LRP1B: variants seen among roughly 807,000 people sequenced by gnomAD.
LRP1B encodes the protein LDL receptor related protein 1B.
LRP1B carries 217 observed loss-of-function variants against 556.6 expected under a neutral mutation model. That is an observed-to-expected ratio of 0.39 (90% confidence interval 0.35 to 0.44). The LOEUF (loss-of-function observed/expected upper bound fraction) is 0.44. Ranked by LOEUF, LRP1B falls within the 20% of genes least tolerant of loss-of-function variation. LRP1B has a pLI of 1.00. For synonymous variants in LRP1B, 2,047 were observed against 1,865.8 expected (o/e 1.10, Z -2.50); for missense variants, 5,053 against 5,620.8 (o/e 0.90, Z 3.23).
chr2:140,753,051 T>A (rs1365736939), intron 35 of LRP1B, among the ~76,000 whole-genome samples: 1 of 152,098 alleles, frequency 6.6e-6, no homozygotes, highest in Non-Finnish European at 1.5e-5. Context: ...CCTTCCCCCA[T>A]CCCCTGGCAA....
chr2:140,647,704 G>T (rs1396991534), intron 41 of LRP1B, among the ~76,000 whole-genome samples: 1 of 152,122 alleles, frequency 6.6e-6, no homozygotes, highest in Non-Finnish European at 1.5e-5. Context: ...ATCATCACAG[G>T]CCATCAGAGA....
intron 22 of LRP1B, 137 bp from the exon 23 acceptor site, chr2:140,903,302 A>T: frequency 2.0e-6 from 2 of 977,162 alleles, no homozygotes; most frequent in Non-Finnish European, 2.9e-6. Context: ...TCTTTGGCTT[A>T]TTTTTGCTTC....
At chr2:141,092,118 G>A (rs1700184909) in intron 7 of LRP1B, among the ~76,000 whole-genome samples, 1 of 152,166 alleles carries the variant, frequency 6.6e-6, no homozygotes, top group African/African-American at 2.4e-5. Context: ...ATCAGCTTAT[G>A]ACAAAATTTG....
At chr2:140,843,450 G>C (rs1030361428) in intron 29 of LRP1B, among the ~76,000 whole-genome samples, 5 of 151,990 alleles carry the variant, frequency 3.3e-5, no homozygotes, top group Admixed American at 2.6e-4. Flanking sequence ...CCCAGAATGT[G>C]ATGTCTAAAT....
chr2:141,765,395 T>TC (rs1490419762), intron 2 of LRP1B, among the ~76,000 whole-genome samples: 2 of 152,226 alleles, frequency 1.3e-5, no homozygotes, highest in Non-Finnish European at 2.9e-5. Context: ...AGTTTTTTTT[T>TC]CACTTATAGG....
At chr2:141,683,209 G>A (rs866983764) in intron 2 of LRP1B, among the ~76,000 whole-genome samples, 1 of 152,084 alleles carries the variant, frequency 6.6e-6, no homozygotes, top group Non-Finnish European at 1.5e-5. Flanking sequence ...TTAGAATTTG[G>A]TAATGGGAAA....
chr2:141,428,069 C>A (rs1559065471), intron 3 of LRP1B, among the ~76,000 whole-genome samples: 2 of 152,124 alleles, frequency 1.3e-5, no homozygotes. Context: ...TTGCATCTTC[C>A]TTTTTTAATG....
At chr2:141,896,561 T>C (rs994761971) in intron 1 of LRP1B, among the ~76,000 whole-genome samples, 8 of 152,164 alleles carry the variant, frequency 5.3e-5, no homozygotes, top group African/African-American at 1.9e-4. Flanking sequence ...GAAATTCTTT[T>C]CCTTCATTTG....
At position 140,581,249 on chromosome 2, in the gene LRP1B, C is replaced by T. The variant is rs140554510; in HGVS notation, c.7194+17382G>A. On this transcript the variant is annotated intron_variant, in intron 43 of 90. Transcript: ENST00000389484. ...CGAAGGTAACATTATTCAAAGTTTT[C>T]GCCTTTGATTTACTATTTCTGTTCA... 2.5e-3 allele frequency among the ~76,000 whole-genome samples: 383 copies of T among 152,290 alleles called. 1 individual carries two copies. Among genetic ancestry groups the T allele is most frequent in the African/African-American group, 8.8e-3 (367 of 41,562 alleles).
At chr2:140,576,524 A>G (rs1045145236) in intron 43 of LRP1B, among the ~76,000 whole-genome samples, 7 of 152,174 alleles carry the variant, frequency 4.6e-5, no homozygotes, top group African/African-American at 1.7e-4. Context: ...AGACCATCGG[A>G]ATCCAATTAT....
chr2:141,116,460 T>A (rs552629966), intron 7 of LRP1B, among the ~76,000 whole-genome samples: 3 of 152,284 alleles, frequency 2.0e-5, no homozygotes, highest in African/African-American at 7.2e-5. Context: ...ATTCCCCTTC[T>A]AATAGCCATA....
At chr2:140,943,172 TAAAAAAGGGC>T (rs1482376052) in intron 20 of LRP1B, among the ~76,000 whole-genome samples, 2 of 151,804 alleles carry the variant, frequency 1.3e-5, no homozygotes, top group Non-Finnish European at 2.9e-5. Flanking sequence ...CCAGCAACAG[TAAAAAAGGGC>T]AAAGAAGGGC....
chr2:140,817,030 T>C (rs1477870949), intron 31 of LRP1B, among the ~76,000 whole-genome samples: 1 of 152,156 alleles, frequency 6.6e-6, no homozygotes, highest in Non-Finnish European at 1.5e-5. Context: ...TTAAAACTAC[T>C]CAGTGATGTC....
chr2:140,826,416 C>A lies in LRP1B; in HGVS notation c.5210-12610G>T, dbSNP rs1382423588. Among the ~76,000 whole-genome samples, 4 of 152,106 alleles carry A rather than the reference C, an allele frequency of 2.6e-5. No individual in the cohort carries two copies. The East Asian group carries it at 7.7e-4, about 29-fold the overall frequency. On this transcript the variant is annotated intron_variant, in intron 31 of 90. Coordinates refer to ENST00000389484, the MANE Select transcript of LRP1B (RefSeq NM_018557.3). ...GTTTAAATTGCCCCAGTTGAAGAGA[C>A]TGACACCATCAAAATTGCAGAAGAG...
chr2:141,891,719 T>C (rs964080961), intron 1 of LRP1B, among the ~76,000 whole-genome samples: 3 of 152,156 alleles, frequency 2.0e-5, no homozygotes, highest in East Asian at 1.9e-4. Context: ...CTAAGCAATT[T>C]ATATTTTGCA....
intron 3 of LRP1B, among the ~76,000 whole-genome samples, chr2:141,355,928 T>G (rs902364608): frequency 2.0e-5 from 3 of 152,152 alleles, no homozygotes; most frequent in African/African-American, 4.8e-5. Context: ...TGTTCATATT[T>G]TGAACACTTT....
chr2:140,375,622 G>A (rs564687904), intron 68 of LRP1B, among the ~76,000 whole-genome samples: 4 of 152,034 alleles, frequency 2.6e-5, no homozygotes, highest in African/African-American at 9.6e-5. Flanking sequence ...CTGAAATTTT[G>A]ATTCTAATGA....
intron 7 of LRP1B, among the ~76,000 whole-genome samples, chr2:141,097,059 G>C (rs1700341319): frequency 6.6e-6 from 1 of 152,128 alleles, no homozygotes; most frequent in South Asian, 2.1e-4. Flanking sequence ...GAATCTCCTA[G>C]CATAGCAGCT....
At chr2:141,670,472 G>A (rs1358543568) in intron 2 of LRP1B, among the ~76,000 whole-genome samples, 1 of 152,182 alleles carries the variant, frequency 6.6e-6, no homozygotes, top group Non-Finnish European at 1.5e-5. Flanking sequence ...GCCACAGACA[G>A]GATCATTTTC....
Sources: allele counts gnomAD v4.1 joint callset (sites outside exome capture counted in the v4.1 genomes callset), GRCh38; gene constraint gnomAD v4.1.1; transcripts MANE v1.5; gene names NCBI Gene and HGNC (gene_info 2026-07-23, HGNC 2026-07-21).